The following NMT2 variants were observed in gnomAD, a reference collection of about 807,000 sequenced individuals.
The protein encoded by NMT2 is glycylpeptide N-tetradecanoyltransferase 2.
In NMT2, 35 loss-of-function variants were observed where a neutral mutation model predicts 65.4. The ratio of observed to expected loss-of-function variants is 0.54; its 90% CI spans 0.41 to 0.71. NMT2 has a LOEUF of 0.71. NMT2 is among the 30% of genes least tolerant of loss of function. The pLI is 0.00. For missense variants in NMT2, 489 were observed against 611.3 expected (o/e 0.80, Z 2.11); for synonymous variants, 226 against 231.8 (o/e 0.98, Z 0.23).
chr10:15,144,688 A>G (rs374408020), intron 1 of NMT2, among the ~76,000 whole-genome samples: 58 of 151,998 alleles, frequency 3.8e-4, no homozygotes, highest in Admixed American at 2.6e-3. Flanking sequence ...CCGAGATTGC[A>G]CCACTGCACT....
intron 1 of NMT2, among the ~76,000 whole-genome samples, chr10:15,143,332 T>C (rs1320226979): frequency 6.6e-6 from 1 of 152,218 alleles, no homozygotes; most frequent in Non-Finnish European, 1.5e-5. Context: ...ATTATCCCTC[T>C]CCCACTTCTA....
intron 1 of NMT2, 57 bp downstream of exon 1, chr10:15,168,446 C>A: frequency 4.5e-6 from 6 of 1,333,324 alleles, no homozygotes; most frequent in Non-Finnish European, 6.3e-6. Flanking sequence ...AACGGGAGAC[C>A]GTGGCGCGCG....
At chr10:15,162,417 A>G (rs1378321986) in intron 1 of NMT2, among the ~76,000 whole-genome samples, 2 of 152,188 alleles carry the variant, frequency 1.3e-5, no homozygotes, top group Non-Finnish European at 2.9e-5. Context: ...GCTGTCCAGT[A>G]TGATAGCCAC....
intron 9 of NMT2, among the ~76,000 whole-genome samples, chr10:15,114,999 C>T (rs1845698604): frequency 6.6e-6 from 1 of 151,310 alleles, no homozygotes; most frequent in Admixed American, 6.6e-5. Flanking sequence ...AAGACACTGT[C>T]TCCAAAAAAA....
chr10:15,137,490 T>A (rs1309300011), intron 2 of NMT2, among the ~76,000 whole-genome samples: 1 of 152,112 alleles, frequency 6.6e-6, no homozygotes, highest in South Asian at 2.1e-4. Context: ...GTCCCCAACA[T>A]TAAAAGGAGC....
At chr10:15,159,426 A>ATTTATTTATTTAT (rs1029544912) in intron 1 of NMT2, among the ~76,000 whole-genome samples, 1 of 150,466 alleles carries the variant, frequency 6.6e-6, no homozygotes, top group Non-Finnish European at 1.5e-5. Context: ...TTATTTATTT[A>ATTTATTTATTTAT]TTGAGACAGA....
chr10:15,144,916 T>C (rs1846910452), intron 1 of NMT2, among the ~76,000 whole-genome samples: 1 of 152,114 alleles, frequency 6.6e-6, no homozygotes, highest in Non-Finnish European at 1.5e-5. Context: ...CCAAGAGAAA[T>C]GAAAACTTAT....
At chr10:15,133,221 T>G (rs757226097) in intron 4 of NMT2, 24 bp downstream of exon 4, 5 of 1,604,760 alleles carry the variant, frequency 3.1e-6, no homozygotes, top group Non-Finnish European at 4.3e-6. Context: ...AGGAGTTGAA[T>G]TTAAGAGGTT....
chr10:15,160,697 C>G lies in NMT2; in HGVS notation c.110+7806G>C, dbSNP rs372371317. On this transcript the variant is annotated intron_variant, in intron 1 of 11. Transcript: ENST00000378165. ...GCTGAGGCAGGAGAATCGCTTGAAC[C>G]TGGGAGGTGGACGTTGCAGTGAGCA... 1.1e-4 allele frequency among the ~76,000 whole-genome samples: 17 copies of G among 152,206 alleles called. 1 individual carries two copies. In the South Asian group the frequency reaches 3.5e-3, roughly 32 times the overall value.
chr10:15,163,642 C>T (rs1377456648), intron 1 of NMT2, among the ~76,000 whole-genome samples: 1 of 152,210 alleles, frequency 6.6e-6, no homozygotes, highest in African/African-American at 2.4e-5. Context: ...TATTGCAAGT[C>T]ATAATGTTTC....
chr10:15,144,775 G>A (rs951736132), intron 1 of NMT2, among the ~76,000 whole-genome samples: 5 of 151,830 alleles, frequency 3.3e-5, no homozygotes, highest in African/African-American at 7.3e-5. Context: ...ATGGAGAGAC[G>A]CTGGAACCCT....
In NMT2 at chr10:15,143,636, C is replaced by T. The variant is rs542510446; in HGVS notation, c.111-2079G>A. ...CTTTGGGGGTCCAAGGCGGGAAGAT[C>T]GCTTGAGCCTAGAAGGATCTCTTGA... On this transcript the variant is annotated intron_variant, in intron 1 of 11. Transcript: ENST00000378165. 6.6e-5 allele frequency among the ~76,000 whole-genome samples: 10 copies of T among 152,320 alleles called. No individual in the cohort carries two copies. The East Asian group carries it at 1.4e-3, about 21-fold the overall frequency.
At chr10:15,146,061 G>GT (rs1846953338) in intron 1 of NMT2, among the ~76,000 whole-genome samples, 1 of 152,158 alleles carries the variant, frequency 6.6e-6, no homozygotes, top group Admixed American at 6.5e-5. Flanking sequence ...ATATCATGTG[G>GT]CCCTTTAAAA....
At chr10:15,167,956 T>G (rs952984949) in intron 1 of NMT2, among the ~76,000 whole-genome samples, 1 of 151,926 alleles carries the variant, frequency 6.6e-6, no homozygotes, top group Non-Finnish European at 1.5e-5. Flanking sequence ...CGCCAGAACT[T>G]TGCGCAGTTC....
chr10:15,140,520 C>CT (rs1564578530), intron 2 of NMT2, among the ~76,000 whole-genome samples: 1 of 151,674 alleles, frequency 6.6e-6, no homozygotes, highest in Admixed American at 6.6e-5. Flanking sequence ...CTTTCTTTTT[C>CT]TTTTTTTATT....
At chr10:15,159,648 G>C (rs552435659) in intron 1 of NMT2, among the ~76,000 whole-genome samples, 1 of 152,076 alleles carries the variant, frequency 6.6e-6, no homozygotes, top group Non-Finnish European at 1.5e-5. Context: ...GGCTGCTCTC[G>C]AACTACTGAC....
intron 1 of NMT2, among the ~76,000 whole-genome samples, chr10:15,162,913 T>C (rs781065629): frequency 6.7e-6 from 1 of 149,658 alleles, no homozygotes; most frequent in African/African-American, 2.4e-5. Flanking sequence ...TATAAATATA[T>C]ACATATAAGA....
intron 1 of NMT2, among the ~76,000 whole-genome samples, chr10:15,160,759 G>T (rs187779666): frequency 1.6e-4 from 25 of 152,064 alleles, no homozygotes; most frequent in Non-Finnish European, 2.4e-4. Flanking sequence ...GGGCAACAGA[G>T]TAAGACTCCA....
At chr10:15,157,132 A>G (rs1335967556) in intron 1 of NMT2, among the ~76,000 whole-genome samples, 1 of 152,172 alleles carries the variant, frequency 6.6e-6, no homozygotes, top group Admixed American at 6.5e-5. Flanking sequence ...GGAAGGTACT[A>G]TATGAGCTGG....
Sources: gnomAD v4.1 joint callset for allele counts (sites outside exome capture counted in the v4.1 genomes callset) on GRCh38, gnomAD v4.1.1 for gene constraint, MANE v1.5 for transcripts, NCBI Gene and HGNC (gene_info 2026-07-23, HGNC 2026-07-21) for gene names.